The following RPTOR variants were observed in gnomAD, a reference collection of about 807,000 sequenced individuals.
RPTOR encodes regulatory-associated protein of mTOR.
A neutral mutation model predicts 169.9 loss-of-function variants in RPTOR; 21 were observed. The observed-to-expected ratio is 0.12, with a 90% CI of 0.09 to 0.18. The LOEUF (loss-of-function observed/expected upper bound fraction) is 0.18, where lower values mean the gene tolerates loss of function less well. Among genes scored for constraint, RPTOR ranks in the 10% least tolerant of loss-of-function variants. The pLI, the probability that RPTOR is intolerant of heterozygous loss-of-function variation, is 1.00. For synonymous variants in RPTOR, 732 were observed against 753.2 expected (o/e 0.97, Z 0.46); for missense variants, 1,133 against 1,855.9 (o/e 0.61, Z 7.16).
In RPTOR at chr17:80,795,959, G is replaced by A. The variant is rs368302016; in HGVS notation, c.890+4450G>A. On this transcript the variant is annotated intron_variant, in intron 7 of 33. Transcript: ENST00000306801. ...TCCACATTCCTGTAGTTCTGTAAGC[G>A]TCTCCCACGCCTCTCCATCTGCCAT... Among the ~76,000 whole-genome samples the A allele has an allele frequency of 4.1e-4, 62 of 152,276 alleles. 1 individual carries two copies. Among genetic ancestry groups the A allele is most frequent in the African/African-American group, 1.4e-3 (59 of 41,560 alleles).
In RPTOR at chr17:80,744,232, C is replaced by G. The variant is rs1284982057; in HGVS notation, c.655-9778C>G. ...ACTAGCACTGTCCTGGCTACTAGCA[C>G]AGCCCTGGTTACTAGCACTGTCCTG... On this transcript the variant is annotated intron_variant, in intron 5 of 33. Transcript: ENST00000306801. Among the ~76,000 whole-genome samples, 31 of 101,032 alleles carry G rather than the reference C, an allele frequency of 3.1e-4. 1 individual carries two copies. The highest frequency in any genetic ancestry group is 1.7e-3 in the South Asian group (6 of 3,520). 66.3% of individuals were successfully genotyped at this position (101,032 alleles called of 152,430 possible).
chr17:80,817,405 T>C (rs1006764321), intron 7 of RPTOR, among the ~76,000 whole-genome samples: 2 of 151,166 alleles, frequency 1.3e-5, no homozygotes. Flanking sequence ...GGCCACCCCA[T>C]GGGGAGGAGA....
intron 4 of RPTOR, among the ~76,000 whole-genome samples, chr17:80,710,571 A>G (rs8074892): frequency 0.15 from 22,104 of 145,304 alleles, 2,477 homozygotes; most frequent in African/African-American, 0.29. Flanking sequence ...GGTTATTTGT[A>G]TGTGTGTGTG....
At chr17:80,625,469 C>T (rs2065385966) in intron 1 of RPTOR, among the ~76,000 whole-genome samples, 1 of 152,094 alleles carries the variant, frequency 6.6e-6, no homozygotes, top group African/African-American at 2.4e-5. Flanking sequence ...CTGCCACGTC[C>T]CTCTCACCAC....
chr17:80,954,736 G>A (rs1390801214), intron 28 of RPTOR, among the ~76,000 whole-genome samples: 1 of 152,226 alleles, frequency 6.6e-6, no homozygotes, highest in Non-Finnish European at 1.5e-5. Flanking sequence ...GACCAACATG[G>A]TGAAACCCCA....
At chr17:80,943,451 C>A (rs1341753848) in intron 25 of RPTOR, among the ~76,000 whole-genome samples, 1 of 152,190 alleles carries the variant, frequency 6.6e-6, no homozygotes, top group Non-Finnish European at 1.5e-5. Context: ...AACAGGGCCT[C>A]CCCGCAAAGC....
intron 7 of RPTOR, among the ~76,000 whole-genome samples, chr17:80,819,155 C>T (rs978286947): frequency 6.6e-6 from 1 of 152,194 alleles, no homozygotes; most frequent in East Asian, 1.9e-4. Flanking sequence ...GTGCTGCACC[C>T]CTAGGCTCCC....
chr17:80,854,739 C>G (rs570219604), intron 11 of RPTOR, among the ~76,000 whole-genome samples: 7 of 152,246 alleles, frequency 4.6e-5, no homozygotes, highest in African/African-American at 1.4e-4. Context: ...ATAAAAAATA[C>G]AAAAATTAAC....
rs150459031 is a variant in RPTOR at position 80,732,391 on chromosome 17, G to A, written c.654+1685G>A. On this transcript the variant is annotated intron_variant, in intron 5 of 33. Transcript: ENST00000306801. Reference sequence around the variant, plus strand: ...AAATGCTTGCATTCCAGCGCTTTGAGCATGTGCTCCGGCAGTGCTGTGTGT... The same window carrying A: ...AAATGCTTGCATTCCAGCGCTTTGAACATGTGCTCCGGCAGTGCTGTGTGT... 8.5e-5 allele frequency among the ~76,000 whole-genome samples: 13 copies of A among 152,236 alleles called. No homozygotes were observed. The East Asian group carries it at 2.5e-3, about 29-fold the overall frequency.
chr17:80,718,930 C>A (rs1230058522), intron 4 of RPTOR, among the ~76,000 whole-genome samples: 3 of 152,172 alleles, frequency 2.0e-5, no homozygotes, highest in Non-Finnish European at 4.4e-5. Flanking sequence ...ATACAAGAGG[C>A]CAGTGGCGGC....
At chr17:80,808,428 A>C (rs1356170391) in intron 7 of RPTOR, among the ~76,000 whole-genome samples, 1 of 152,234 alleles carries the variant, frequency 6.6e-6, no homozygotes, top group Non-Finnish European at 1.5e-5. Flanking sequence ...CATCTGCTAA[A>C]AGAAACAAAA....
intron 3 of RPTOR, among the ~76,000 whole-genome samples, chr17:80,650,544 G>A (rs944878241): frequency 1.6e-4 from 25 of 152,194 alleles, no homozygotes; most frequent in Admixed American, 1.3e-3. Flanking sequence ...GAAAGAATGC[G>A]AACTGGTTTA....
chr17:80,846,946 G>T (rs2067738133), intron 11 of RPTOR, among the ~76,000 whole-genome samples: 1 of 152,242 alleles, frequency 6.6e-6, no homozygotes, highest in South Asian at 2.1e-4. Context: ...CTACAGATGG[G>T]CTTTGCTTCA....
intron 1 of RPTOR, among the ~76,000 whole-genome samples, chr17:80,566,102 G>T (rs1015291569): frequency 2.6e-5 from 4 of 152,180 alleles, no homozygotes. Flanking sequence ...CTGGTTCCAC[G>T]GCTCTCTACC....
chr17:80,554,885 C>T (rs1407180823), intron 1 of RPTOR, among the ~76,000 whole-genome samples: 3 of 151,986 alleles, frequency 2.0e-5, no homozygotes, highest in Non-Finnish European at 4.4e-5. Flanking sequence ...AGATAACTGA[C>T]AATTTTTGAA....
Position 80,960,059 on chromosome 17 carries a change from TGCCTGTG to T in RPTOR, c.3478-18_3478-12del. 1 of 1,612,584 alleles carries T rather than the reference TGCCTGTG, an allele frequency of 6.2e-7. No homozygotes were observed. The highest frequency in any genetic ancestry group is 2.2e-5 in the East Asian group (1 of 44,856). ...CTCGGTGCCCCGGTCTTCACCGGGC[TGCCTGTG>T]TTTGGCTCTAGGACATCCCTACGGG... On this transcript the variant is annotated splice_polypyrimidine_tract_variant and intron_variant, in intron 29 of 33. Transcript: ENST00000306801. The surrounding 1 kb of genome is among the most constrained non-coding windows in gnomAD (Gnocchi z 4.8).
At chr17:80,841,579 C>CGCACGGCAGATCACTCTCACA (rs2067659474) in intron 10 of RPTOR, among the ~76,000 whole-genome samples, 1 of 137,560 alleles carries the variant, frequency 7.3e-6, no homozygotes, top group African/African-American at 2.8e-5. Flanking sequence ...TCACTCTCAC[C>CGCACGGCAGATCACTCTCACA]GCACGGCAGC....
chr17:80,871,193 C>T (rs922070581), intron 13 of RPTOR, among the ~76,000 whole-genome samples: 2 of 152,188 alleles, frequency 1.3e-5, no homozygotes, highest in Non-Finnish European at 2.9e-5. Flanking sequence ...GCAACCTCTG[C>T]CTCCTGTGTT....
chr17:80,835,623 TC>T (rs1276286149), intron 9 of RPTOR, among the ~76,000 whole-genome samples: 1 of 152,150 alleles, frequency 6.6e-6, no homozygotes, highest in Non-Finnish European at 1.5e-5. Context: ...GGTGGACAGT[TC>T]CCCTCCCGAC....
Sources: gnomAD v4.1 joint callset for allele counts (sites outside exome capture counted in the v4.1 genomes callset) on GRCh38, gnomAD v4.1.1 for gene constraint, Gnocchi (gnomAD v3.1) non-coding constraint, MANE v1.5 for transcripts, NCBI Gene and HGNC (gene_info 2026-07-23, HGNC 2026-07-21) for gene names.